AKAP6: variants seen among roughly 807,000 people sequenced by gnomAD.
The protein encoded by AKAP6 is A-kinase anchor protein 6.
AKAP6 carries 58 observed loss-of-function variants against 188.5 expected under a neutral mutation model. That is an observed-to-expected ratio of 0.31 (90% CI 0.25 to 0.38). AKAP6 has a LOEUF of 0.38. Among genes scored for constraint, AKAP6 ranks in the 10% least tolerant of loss-of-function variants. The probability of loss-of-function intolerance (pLI) is 1.00; values close to 1 mark genes in which losing one functional copy is unlikely to be tolerated. For missense variants in AKAP6, 2,710 were observed against 2,740.0 expected (o/e 0.99, Z 0.24); for synonymous variants, 989 against 998.6 (o/e 0.99, Z 0.18).
At chr14:32,507,137 A>T (rs1020233900) in intron 2 of AKAP6, among the ~76,000 whole-genome samples, 1 of 152,198 alleles carries the variant, frequency 6.6e-6, no homozygotes, top group South Asian at 2.1e-4. Context: ...TATTGTCTGT[A>T]TCTATCCAAC....
Position 32,834,527 on chromosome 14 carries a change from C to T in AKAP6, c.*4722C>T, listed in dbSNP as rs1264553614. 2 of 128,958 alleles carry T rather than the reference C, an allele frequency of 1.6e-5. No individual in the cohort carries two copies. Among genetic ancestry groups the T allele is most frequent in the Non-Finnish European group, 3.3e-5 (2 of 60,430 alleles). 8.0% of individuals were successfully genotyped at this position (128,958 alleles called of 1,614,324 possible). A position where few individuals can be genotyped will look rare whatever the true frequency, so the allele number is the denominator to read the frequency against. ...AAAGATCACACACTGCTTTTAGTTT[C>T]CAAGTCTTTTTTTTTTTTTTTTTTT... On this transcript the variant is annotated 3_prime_UTR_variant, in exon 14 of 14. Transcript: ENST00000280979.
At chr14:32,500,726 T>C (rs17099187) in intron 2 of AKAP6, among the ~76,000 whole-genome samples, 7,786 of 152,238 alleles carry the variant, frequency 0.051, 340 homozygotes, top group African/African-American at 0.11. Context: ...TCTTGACTGA[T>C]CTTTGTGTCT....
At chr14:32,651,708 A>G (rs1446431501) in intron 7 of AKAP6, among the ~76,000 whole-genome samples, 4 of 152,136 alleles carry the variant, frequency 2.6e-5, no homozygotes. Context: ...TCATGACTTA[A>G]TTACCTCCCT....
At chr14:32,753,260 T>C (rs2032207883) in intron 11 of AKAP6, among the ~76,000 whole-genome samples, 1 of 152,214 alleles carries the variant, frequency 6.6e-6, no homozygotes. Flanking sequence ...TGAGGTGATA[T>C]CTCCTTATTG....
chr14:32,640,130 G>A (rs1186283244), intron 7 of AKAP6, among the ~76,000 whole-genome samples: 1 of 151,630 alleles, frequency 6.6e-6, no homozygotes, highest in Non-Finnish European at 1.5e-5. Context: ...TTTCAATAAA[G>A]GCAAGATAGC....
intron 2 of AKAP6, among the ~76,000 whole-genome samples, chr14:32,511,480 A>G (rs953228206): frequency 6.6e-6 from 1 of 151,114 alleles, no homozygotes; most frequent in Non-Finnish European, 1.5e-5. Context: ...GGTTCAAGCA[A>G]TTCTCCTGCC....
chr14:32,738,810 T>G (rs953777521), intron 11 of AKAP6, among the ~76,000 whole-genome samples: 1 of 152,154 alleles, frequency 6.6e-6, no homozygotes, highest in Non-Finnish European at 1.5e-5. Flanking sequence ...CGGATAATAG[T>G]ATAATCTCTG....
At chr14:32,447,316 T>C (rs1890787888) in intron 2 of AKAP6, among the ~76,000 whole-genome samples, 1 of 152,238 alleles carries the variant, frequency 6.6e-6, no homozygotes, top group Admixed American at 6.5e-5. Flanking sequence ...CTTTTTTGTA[T>C]AAAATTGCAA....
chr14:32,359,547 A>G (rs926067262), intron 1 of AKAP6, among the ~76,000 whole-genome samples: 7 of 150,820 alleles, frequency 4.6e-5, no homozygotes, highest in African/African-American at 9.8e-5. Flanking sequence ...ACTATTAACT[A>G]AACTACTGCA....
intron 1 of AKAP6, among the ~76,000 whole-genome samples, chr14:32,432,105 C>A (rs527302910): frequency 3.3e-5 from 5 of 151,764 alleles, no homozygotes; most frequent in Admixed American, 1.3e-4. Flanking sequence ...AAATATGAAC[C>A]ACTTTTTGAC....
At chr14:32,786,218 AG>A (rs1429562556) in intron 12 of AKAP6, among the ~76,000 whole-genome samples, 1 of 150,050 alleles carries the variant, frequency 6.7e-6, no homozygotes, top group Non-Finnish European at 1.5e-5. Context: ...GTTCGCTCTG[AG>A]GACAGATCTC....
In AKAP6 at chr14:32,360,049, G is replaced by T. The variant is rs61981851; in HGVS notation, c.-35+30641G>T. On this transcript the variant is annotated intron_variant, in intron 1 of 13. Coordinates refer to ENST00000280979, the MANE Select transcript of AKAP6 (RefSeq NM_004274.5). ...AGGGAGGTCTATCAAAGAATCTGTG[G>T]ATTCCTGTTAAAAGCACCATAGTCA... 4.6e-5 allele frequency among the ~76,000 whole-genome samples: 7 copies of T among 152,174 alleles called. No individual in the cohort carries two copies. In the East Asian group the frequency reaches 1.2e-3, roughly 25 times the overall value.
Position 32,669,309 on chromosome 14 carries a change from T to C in AKAP6, c.2731-9002T>C, listed in dbSNP as rs900895573. 3.9e-5 allele frequency among the ~76,000 whole-genome samples: 6 copies of C among 152,318 alleles called. No individual in the cohort carries two copies. In the South Asian group the frequency reaches 1.2e-3, roughly 32 times the overall value. ...CTGTAGAAGGAAGCTTTGGCATCCA[T>C]GCAGGACTAGAAGAACAACATGAGA... On this transcript the variant is annotated intron_variant, in intron 7 of 13. Transcript: ENST00000280979.
chr14:32,671,523 G>A (rs970720387), intron 7 of AKAP6, among the ~76,000 whole-genome samples: 1 of 151,346 alleles, frequency 6.6e-6, no homozygotes, highest in African/African-American at 2.4e-5. Flanking sequence ...GAAAAACAAC[G>A]GCATTTTTTG....
intron 11 of AKAP6, among the ~76,000 whole-genome samples, chr14:32,746,945 T>C (rs536039597): frequency 8.3e-4 from 126 of 152,300 alleles, no homozygotes; most frequent in Middle Eastern, 3.4e-3. Context: ...TTTAAAAGGA[T>C]TTCAAATTAA....
intron 2 of AKAP6, among the ~76,000 whole-genome samples, chr14:32,435,198 T>G (rs1185035355): frequency 6.6e-6 from 1 of 152,150 alleles, no homozygotes; most frequent in Non-Finnish European, 1.5e-5. Flanking sequence ...AAGGCTACCC[T>G]TACATGTAGC....
At chr14:32,620,631 T>G (rs970012838) in intron 7 of AKAP6, among the ~76,000 whole-genome samples, 2 of 152,070 alleles carry the variant, frequency 1.3e-5, no homozygotes, top group Non-Finnish European at 2.9e-5. Context: ...TTTTCTTTTT[T>G]TGTTAAGTCC....
At chr14:32,679,373 A>G (rs186306378) in intron 8 of AKAP6, among the ~76,000 whole-genome samples, 1 of 152,256 alleles carries the variant, frequency 6.6e-6, no homozygotes, top group East Asian at 1.9e-4. Context: ...TTTTACTTTT[A>G]GACTTGTACC....
chr14:32,458,857 G>T (rs528090384), intron 2 of AKAP6, among the ~76,000 whole-genome samples: 3 of 152,192 alleles, frequency 2.0e-5, no homozygotes, highest in Admixed American at 1.3e-4. Flanking sequence ...AAGAATTTCA[G>T]GAATGAAGAC....
Sources: gnomAD v4.1 joint callset for allele counts (sites outside exome capture counted in the v4.1 genomes callset) on GRCh38, gnomAD v4.1.1 for gene constraint, MANE v1.5 for transcripts, NCBI Gene and HGNC (gene_info 2026-07-23, HGNC 2026-07-21) for gene names.